The following CCDC181 variants were observed in gnomAD, a reference collection of about 807,000 sequenced individuals.
The protein encoded by CCDC181 is coiled-coil domain containing 181.
Under a neutral mutation model 58.7 loss-of-function variants are expected in CCDC181, and 35 were observed. The ratio of observed to expected loss-of-function variants is 0.60; its 90% CI spans 0.46 to 0.79. CCDC181 has a LOEUF of 0.79. Among genes scored for constraint, CCDC181 ranks in the 30% least tolerant of loss-of-function variants. The pLI, the probability that CCDC181 is intolerant of heterozygous loss-of-function variation, is 0.00. For synonymous variants in CCDC181, 183 were observed against 197.5 expected (o/e 0.93, Z 0.62); for missense variants, 517 against 583.9 (o/e 0.89, Z 1.18).
At chr1:169,435,080 G>T (rs149252919) in intron 2 of CCDC181, among the ~76,000 whole-genome samples, 2 of 152,088 alleles carry the variant, frequency 1.3e-5, no homozygotes, top group Non-Finnish European at 2.9e-5. Flanking sequence ...ACTTAAAAAT[G>T]GTTAAGATAA....
At chr1:169,414,562 A>C (rs1157337673) in intron 4 of CCDC181, among the ~76,000 whole-genome samples, 1 of 152,196 alleles carries the variant, frequency 6.6e-6, no homozygotes, top group African/African-American at 2.4e-5. Flanking sequence ...ATATACATAC[A>C]TACATTTTCA....
intron 5 of CCDC181, among the ~76,000 whole-genome samples, chr1:169,395,489 G>A (rs1338906027): frequency 6.6e-6 from 1 of 152,126 alleles, no homozygotes; most frequent in Admixed American, 6.5e-5. Context: ...TATGTGTGCT[G>A]TAGATCCTAT....
intron 2 of CCDC181, among the ~76,000 whole-genome samples, chr1:169,424,043 CT>C (rs1656610203): frequency 6.6e-6 from 1 of 151,930 alleles, no homozygotes; most frequent in Admixed American, 6.6e-5. Context: ...CCAAAGTCAC[CT>C]ATTTATATCC....
chr1:169,438,757 T>C (rs974946363), intron 2 of CCDC181, among the ~76,000 whole-genome samples: 1 of 152,130 alleles, frequency 6.6e-6, no homozygotes, highest in African/African-American at 2.4e-5. Context: ...ACAGGCCTGT[T>C]GAGCTTTCTT....
At chr1:169,418,340 A>G (rs1422080847) in intron 4 of CCDC181, among the ~76,000 whole-genome samples, 2 of 152,184 alleles carry the variant, frequency 1.3e-5, no homozygotes, top group African/African-American at 4.8e-5. Flanking sequence ...TGGCTTAGAA[A>G]GAGTTCCATG....
At chr1:169,427,825 T>C (rs1180518615), upstream of CCDC181, among the ~76,000 whole-genome samples, 1 of 152,234 alleles carries the variant, frequency 6.6e-6, no homozygotes, top group African/African-American at 2.4e-5. Context: ...GCTTCTTTTT[T>C]TCCTAATCAA....
At chr1:169,408,601 GGAGACACCTCCCAGCAGGGGTCGA>G (rs1655800053) in intron 4 of CCDC181, among the ~76,000 whole-genome samples, 1 of 152,194 alleles carries the variant, frequency 6.6e-6, no homozygotes, top group Non-Finnish European at 1.5e-5. Flanking sequence ...CTCCTGACTG[GGAGACACCTCCCAGCAGGGGTCGA>G]GAGACACCTC....
At chr1:169,451,825 C>T (rs1657550003) in intron 2 of CCDC181, among the ~76,000 whole-genome samples, 1 of 151,660 alleles carries the variant, frequency 6.6e-6, no homozygotes, top group Non-Finnish European at 1.5e-5. Context: ...ACAGAGGAGT[C>T]AAAGATAACT....
chr1:169,403,399 CATAGGT>C (rs1441619639), intron 4 of CCDC181, among the ~76,000 whole-genome samples: 2 of 152,224 alleles, frequency 1.3e-5, no homozygotes, highest in African/African-American at 4.8e-5. Flanking sequence ...AAATTGACCA[CATAGGT>C]GAAAGTAAAG....
chr1:169,415,020 G>T (rs979750958), intron 4 of CCDC181, among the ~76,000 whole-genome samples: 2 of 152,090 alleles, frequency 1.3e-5, no homozygotes, highest in Non-Finnish European at 2.9e-5. Context: ...ATATAACCAT[G>T]ATGTCTTCTA....
intron 4 of CCDC181, among the ~76,000 whole-genome samples, chr1:169,398,932 A>G (rs1025876420): frequency 6.6e-6 from 1 of 152,224 alleles, no homozygotes; most frequent in Non-Finnish European, 1.5e-5. Flanking sequence ...ATCTGGAGAA[A>G]AACAGTGGTA....
chr1:169,455,201 G>A (rs1365648204), intron 2 of CCDC181, among the ~76,000 whole-genome samples: 1 of 151,318 alleles, frequency 6.6e-6, no homozygotes, highest in African/African-American at 2.4e-5. Flanking sequence ...TTTTTTCAAG[G>A]CTCGTATGTT....
At chr1:169,400,791 C>T (rs1344425263) in intron 4 of CCDC181, among the ~76,000 whole-genome samples, 2 of 152,272 alleles carry the variant, frequency 1.3e-5, no homozygotes, top group Middle Eastern at 3.4e-3. Context: ...ACTGAGGTAC[C>T]GGGTTCATCT....
At chr1:169,399,399 T>A (rs1168566589) in intron 4 of CCDC181, among the ~76,000 whole-genome samples, 4 of 152,216 alleles carry the variant, frequency 2.6e-5, no homozygotes, top group Non-Finnish European at 5.9e-5. Flanking sequence ...GATTATTTTT[T>A]AAATTATTCC....
In CCDC181 at chr1:169,422,132, C is replaced by T. The variant is rs1656503904; in HGVS notation, c.299G>A (p.Ser100Asn). 2.5e-6 allele frequency: 4 copies of T among 1,613,340 alleles called. No individual in the cohort carries two copies. The South Asian group carries it at 3.3e-5, about 13-fold the overall frequency. The change falls in exon 3 of 6, where the codon AGT becomes AAT. Residue 100 changes from serine (S) to asparagine (N), a missense_variant. By Grantham distance (46) the Ser-to-Asn change is conservative. Transcript: ENST00000367806. Reference protein sequence around the residue: ...QPLDPISDSDSENSFQESKLE... With the variant: ...QPLDPISDSDNENSFQESKLE... The stretch of plus-strand genomic sequence containing the variant: ...TTTGGATTCCTGGAAAGAGTTTTCA[C>T]TATCTGAATCTGATATGGGATCCAA...
rs753914358 is a variant in CCDC181 at position 169,419,052 on chromosome 1, TCTC to T, written c.1173_1175del (p.Arg392del). Reference sequence around the variant, plus strand: ...CTTCAATTTCCTTTGCTCGCTGAATTCTCCTCATTTCTAAGACCTGCTCTCTTT... The same window carrying T: ...CTTCAATTTCCTTTGCTCGCTGAATTCTCATTTCTAAGACCTGCTCTCTTT... On this transcript the variant is annotated inframe_deletion, in exon 4 of 6. Transcript: ENST00000367806. The T allele has an allele frequency of 7.4e-6, 12 of 1,613,648 alleles. No homozygotes were observed. Among genetic ancestry groups the T allele is most frequent in the Admixed American group, 5.0e-5 (3 of 59,948 alleles).
At chr1:169,401,766 T>C (rs114186451) in intron 4 of CCDC181, among the ~76,000 whole-genome samples, 4,472 of 152,268 alleles carry the variant, frequency 0.029, 186 homozygotes, top group African/African-American at 0.1. Context: ...AATGCAGCTC[T>C]TCCCCAGCAA....
chr1:169,401,368 G>C (rs770600861), intron 4 of CCDC181, among the ~76,000 whole-genome samples: 2 of 152,126 alleles, frequency 1.3e-5, no homozygotes, highest in East Asian at 1.9e-4. Context: ...GGTCCCTGAC[G>C]CCCAAGTAGG....
intron 4 of CCDC181, among the ~76,000 whole-genome samples, chr1:169,415,845 C>T (rs73041751): frequency 0.029 from 4,477 of 152,208 alleles, 187 homozygotes; most frequent in African/African-American, 0.1. Flanking sequence ...ACACTTGCCA[C>T]GTATTTCTAT....
Sources: gnomAD v4.1 joint callset for allele counts (sites outside exome capture counted in the v4.1 genomes callset) on GRCh38, gnomAD v4.1.1 for gene constraint, MANE v1.5 for transcripts, NCBI Gene and HGNC (gene_info 2026-07-23, HGNC 2026-07-21) for gene names.